GGT6: variants seen among roughly 807,000 people sequenced by gnomAD.
GGT6 encodes glutathione hydrolase 6.
Under a neutral mutation model 17.0 loss-of-function variants are expected in GGT6, and 13 were observed. The ratio of observed to expected loss-of-function variants is 0.77; its 90% confidence interval spans 0.50 to 1.22. The LOEUF (loss-of-function observed/expected upper bound fraction) is 1.22. Among genes scored for constraint, GGT6 ranks in the 50% most tolerant of loss-of-function variants. GGT6 has a pLI of 0.00. For synonymous variants in GGT6, 305 were observed against 297.9 expected (o/e 1.02, Z -0.25); for missense variants, 628 against 643.7 (o/e 0.98, Z 0.26).
rs373144077 is a variant in GGT6, at chr17:4,558,492, A to C, written c.1023T>G (p.Pro341=). The C allele has an allele frequency of 4.5e-5, 73 of 1,606,600 alleles. No homozygotes were observed. Among genetic ancestry groups the C allele is most frequent in the Non-Finnish European group, 5.9e-5 (70 of 1,177,812 alleles). ...TCTGCAGGAACGGTGGGCAGGGGTC[A>C]GGGATGGGCGCCCCGGAGCGCAGGG... ...EAALRSGAPI[P]DPCPPFLQTA... Residue 341 remains proline, a synonymous_variant, in exon 4 of 4, where the codon CCT becomes CCG. Transcript: ENST00000381550.
rs750152966 is a variant in GGT6 at position 4,560,511 on chromosome 17, GC to G, written c.10del (p.Ala4GlnfsTer34). The G allele has an allele frequency of 5.0e-6, 8 of 1,611,010 alleles. No individual in the cohort carries two copies. The highest frequency in any genetic ancestry group is 5.9e-6 in the Non-Finnish European group (7 of 1,179,996). ...CTTCTGATAGACCACGGGCTCTTCT[GC>G]CCGCTCCATGGCCCCCCAGTGCTCG... MER[A>X]EEPVVYQKLL... On this transcript the variant is annotated frameshift_variant, in exon 1 of 4. Coordinates refer to ENST00000381550, the MANE Select transcript of GGT6 (RefSeq NM_001288702.2). LOFTEE classifies it high-confidence loss of function.
At position 4,560,417 on chromosome 17, in the gene GGT6, C is replaced by T. The variant is rs1391655976; in HGVS notation, c.105G>A (p.Leu35=). The T allele has an allele frequency of 1.2e-5, 19 of 1,614,138 alleles. No individual in the cohort carries two copies. Among genetic ancestry groups the T allele is most frequent in the Non-Finnish European group, 1.6e-5 (19 of 1,180,022 alleles). ...CCTGGTGCCTCCGGGGGTTTAGAAC[C>T]AGCGCCTCTGATGTCTCCTCCTCCT... ...EVEEEETSEA[L]VLNPRRHQDS... Residue 35 remains leucine, a synonymous_variant, in exon 1 of 4, where the codon CTG becomes CTA. Transcript: ENST00000381550.
Position 4,558,278 on chromosome 17 carries a change from T to G in GGT6, c.1237A>C (p.Ser413Arg). 1 of 1,614,104 alleles carries G rather than the reference T, an allele frequency of 6.2e-7. No homozygotes were observed. Among genetic ancestry groups the G allele is most frequent in the Non-Finnish European group, 8.5e-7 (1 of 1,180,046 alleles). The stretch of plus-strand genomic sequence containing the variant: ...ACATCAGCCTCTGTGTCATCCAGGC[T>G]GCCACGGAGGATGAGGGGGCAGGCC... ...AWACPLILRG[S>R]LDDTEADVLG... The change falls in exon 4 of 4, where the codon AGC (serine) becomes CGC (arginine). Residue 413 changes from serine (S) to arginine (R), a missense_variant. Coordinates refer to ENST00000381550, the MANE Select transcript of GGT6 (RefSeq NM_001288702.2).
Position 4,559,397 on chromosome 17 carries a change from C to G in GGT6, c.403G>C (p.Gly135Arg). The G allele has an allele frequency of 6.4e-7, 1 of 1,551,750 alleles. No homozygotes were observed. The highest frequency in any genetic ancestry group is 8.7e-7 in the Non-Finnish European group (1 of 1,147,024). Residue 135 changes from glycine (G) to arginine (R), a missense_variant, in exon 3 of 4, where the codon GGA (glycine) becomes CGA (arginine). Physicochemically the swap from Gly to Arg is moderately radical, Grantham distance 125 (BLOSUM62 -2). Transcript: ENST00000381550. ...LVAGGNVVDAGVGAALCLAVV... is the reference protein window; with the variant it reads ...LVAGGNVVDARVGAALCLAVV... ...GCCAGGCACAATGCAGCTCCAACTC[C>G]AGCATCCACGACGTTGCCCCCGGCA...
chr17:4,559,044 C>G lies in GGT6; in HGVS notation c.471G>C (p.Trp157Cys), dbSNP rs374467230. ...PHATGLGAMF[W>C]GLFHDSSSGN... Reference sequence around the variant, plus strand: ...CTGAGGAGCTATCGTGGAAGAGGCCCCAAAACATGGCACCTGCAGGAGACA... The same window carrying G: ...CTGAGGAGCTATCGTGGAAGAGGCCGCAAAACATGGCACCTGCAGGAGACA... The change falls in exon 4 of 4, where the codon TGG becomes TGC. Residue 157 changes from tryptophan (W) to cysteine (C), a missense_variant. Trp to Cys is a radical substitution (Grantham distance 215). Transcript: ENST00000381550. 1 of 1,540,942 alleles carries G rather than the reference C, an allele frequency of 6.5e-7. No homozygotes were observed. The highest frequency in any genetic ancestry group is 1.4e-5 in the African/African-American group (1 of 73,002).
Position 4,558,071 on chromosome 17 carries a change from C to CTGTG in GGT6, c.1440_1443dup (p.Glu482HisfsTer81). ...GGGACACTGGAGACATGGGCGTGCT[C>CTGTG]TGTGTGGGCTGCCACCTGGAGCAGG... is the stretch of plus-strand genomic sequence containing the variant. On this transcript the variant is annotated frameshift_variant, in exon 4 of 4. Coordinates refer to ENST00000381550, the MANE Select transcript of GGT6 (RefSeq NM_001288702.2). LOFTEE classifies it high-confidence loss of function. The CTGTG allele has an allele frequency of 1.9e-6, 3 of 1,595,202 alleles. No individual in the cohort carries two copies. Among genetic ancestry groups the CTGTG allele is most frequent in the Non-Finnish European group, 2.6e-6 (3 of 1,169,860 alleles).
Position 4,558,195 on chromosome 17 carries a change from T to C in GGT6, c.1320A>G (p.Leu440=), listed in dbSNP as rs1187357971. 2 of 1,613,932 alleles carry C rather than the reference T, an allele frequency of 1.2e-6. No individual in the cohort carries two copies. Among genetic ancestry groups the C allele is most frequent in the Non-Finnish European group, 1.7e-6 (2 of 1,179,946 alleles). ...GGGGCCTTGCTGCCAGATGCCTGAG[T>C]AGGGTGTGAGTCATGGCCCTGGCCA... ...PDVARAMTHT[L]LRHLAARPPT... The change falls in exon 4 of 4, where the codon CTA becomes CTG. Residue 440 remains leucine, a synonymous_variant. Coordinates refer to ENST00000381550, the MANE Select transcript of GGT6 (RefSeq NM_001288702.2).
rs759644525 is a variant in GGT6 at position 4,559,544 on chromosome 17, CA to C, written c.343+13del. 1 of 1,612,414 alleles carries C rather than the reference CA, an allele frequency of 6.2e-7. No homozygotes were observed. The highest frequency in any genetic ancestry group is 1.7e-5 in the Admixed American group (1 of 59,854). On this transcript the variant is annotated intron_variant, in intron 2 of 3. Transcript: ENST00000381550. ...GACCCTCCCCTCCCCAAGCCGCCCC[CA>C]GCACTGACTGACCTGCAGGGCTGAT...
At chr17:4,559,234 A>G in intron 3 of GGT6, 109 bp downstream of exon 3, 3 of 1,186,992 alleles carry the variant, frequency 2.5e-6, no homozygotes, top group Non-Finnish European at 3.6e-6. Context: ...CCAAACCCTA[A>G]GTCCTGCTCA....
At chr17:4,559,507 C>A in intron 2 of GGT6, 51 bp from the exon 3 acceptor site, 1 of 1,586,114 alleles carries the variant, frequency 6.3e-7, no homozygotes, top group Non-Finnish European at 8.6e-7. Flanking sequence ...CTAGGCTGGG[C>A]TGGTGACCCC....
rs7216284 is a variant in GGT6, at chr17:4,560,404, G to A, written c.118C>T (p.Arg40Trp). The stretch of plus-strand genomic sequence containing the variant: ...TACCTGGAAGAGTCCTGGTGCCTCC[G>A]GGGGTTTAGAACCAGCGCCTCTGAT... ...ETSEALVLNP[R>W]RHQDSSRNKA... Residue 40 changes from arginine to tryptophan, a missense_variant, in exon 1 of 4, where the codon CGG (arginine) becomes TGG (tryptophan). Transcript: ENST00000381550. 0.26 allele frequency: 422,187 copies of A among 1,613,272 alleles called. 58,284 individuals are homozygous for A. Among genetic ancestry groups the A allele is most frequent in the South Asian group, 0.3 (27,769 of 91,060 alleles).
rs767991463 is a variant in GGT6 at position 4,560,469 on chromosome 17, G to A, written c.53C>T (p.Pro18Leu). ...CACTTCCTCCTCCGACTCCAAGCTT[G>A]GCTCCCAGGGCAGCAGCTTCTGATA... ...VVYQKLLPWE[P>L]SLESEEEVEE... Residue 18 changes from proline to leucine, a missense_variant, in exon 1 of 4, where the codon CCA (proline) becomes CTA (leucine). Transcript: ENST00000381550. The A allele has an allele frequency of 1.2e-6, 2 of 1,613,780 alleles. No individual in the cohort carries two copies. Among genetic ancestry groups the A allele is most frequent in the Non-Finnish European group, 1.7e-6 (2 of 1,180,006 alleles).
chr17:4,556,613 A>T (rs1908150815), downstream of GGT6, among the ~76,000 whole-genome samples: 1 of 152,220 alleles, frequency 6.6e-6, no homozygotes, highest in South Asian at 2.1e-4. Flanking sequence ...GGGGGAGGTC[A>T]GGGCTAACCT....
At position 4,560,362 on chromosome 17, in the gene GGT6, C is replaced by CT. The variant is rs776419721; in HGVS notation, c.140+19_140+20insA. ...CCTCAAGCCTGGGGAGCCTGGTGCC[C>CT]AGACCCCTCCCTTACTTACCTGGAA... On this transcript the variant is annotated intron_variant, in intron 1 of 3. Coordinates refer to ENST00000381550, the MANE Select transcript of GGT6 (RefSeq NM_001288702.2). 1.9e-6 allele frequency: 3 copies of CT among 1,613,954 alleles called. No individual in the cohort carries two copies. The highest frequency in any genetic ancestry group is 2.5e-6 in the Non-Finnish European group (3 of 1,179,938).
At chr17:4,559,988 G>A in intron 1 of GGT6, 2 of 595,306 alleles carry the variant, frequency 3.4e-6, no homozygotes, top group South Asian at 2.0e-5. Context: ...AGGGGAGATT[G>A]GTGGGGCAGA....
chr17:4,559,558 C>A lies in GGT6; in HGVS notation c.343G>T (p.Ala115Ser). The change falls in exon 2 of 4, where the codon GCC (alanine) becomes TCC (serine). Residue 115 changes from alanine to serine, a missense_variant and splice_region_variant. Coordinates refer to ENST00000381550, the MANE Select transcript of GGT6 (RefSeq NM_001288702.2). ...YHHGAIISPA[A>S]TCSHLGRELL... is the part of the protein sequence containing the mutation. ...CAAGCCGCCCCCAGCACTGACTGAC[C>A]TGCAGGGCTGATGATGGCACCGTGG... 6.2e-7 allele frequency: 1 copy of A among 1,613,466 alleles called. No homozygotes were observed.
chr17:4,558,744 G>A lies in GGT6; in HGVS notation c.771C>T (p.Asn257=). 1 of 1,593,484 alleles carries A rather than the reference G, an allele frequency of 6.3e-7. No homozygotes were observed. Among genetic ancestry groups the A allele is most frequent in the Non-Finnish European group, 8.5e-7 (1 of 1,171,248 alleles). Residue 257 remains asparagine, a synonymous_variant, in exon 4 of 4, where the codon AAC becomes AAT. Transcript: ENST00000381550. ...TPLGAGARAT[N]PQLAAVLRSA... ...TGCGAAGCACAGCTGCCAGTTGTGG[G>A]TTGGTGGCTCGGGCCCCAGCGCCCA...
chr17:4,558,921 G>A lies in GGT6; in HGVS notation c.594C>T (p.Arg198=), dbSNP rs1908401250. The A allele has an allele frequency of 6.5e-7, 1 of 1,549,242 alleles. No homozygotes were observed. The highest frequency in any genetic ancestry group is 8.7e-7 in the Non-Finnish European group (1 of 1,146,328). Residue 198 remains arginine (R), a synonymous_variant, in exon 4 of 4, where the codon CGC becomes CGT. Coordinates refer to ENST00000381550, the MANE Select transcript of GGT6 (RefSeq NM_001288702.2). Reference sequence around the variant, plus strand: ...GGCGTGGCCAGGGCAGGCGGCCGAAGCGTGCATGCAGCAGGTGCAGGGTGG... The same window carrying A: ...GGCGTGGCCAGGGCAGGCGGCCGAAACGTGCATGCAGCAGGTGCAGGGTGG... The part of the protein sequence containing the change: ...ALPTLHLLHA[R]FGRLPWPRLL...
chr17:4,556,632 A>G (rs138398704), downstream of GGT6, among the ~76,000 whole-genome samples: 749 of 152,264 alleles, frequency 4.9e-3, 10 homozygotes, highest in African/African-American at 0.017. Flanking sequence ...CTTCGCCTTG[A>G]ATTTCCACAC....
Sources: allele counts gnomAD v4.1 joint callset (sites outside exome capture counted in the v4.1 genomes callset), GRCh38; gene constraint gnomAD v4.1.1; transcripts MANE v1.5; gene names NCBI Gene and HGNC (gene_info 2026-07-23, HGNC 2026-07-21).